Variants in DHX15 observed in about 807,000 individuals in gnomAD.
DHX15 encodes ATP-dependent RNA helicase DHX15.
A neutral mutation model predicts 94.4 loss-of-function variants in DHX15; 11 were observed. The ratio of observed to expected loss-of-function variants is 0.12; its 90% confidence interval spans 0.07 to 0.19. The LOEUF (loss-of-function observed/expected upper bound fraction) is 0.19, where lower values mean the gene tolerates loss of function less well. Ranked by LOEUF, DHX15 falls within the 10% of genes least tolerant of loss-of-function variation. The pLI, the probability that DHX15 is intolerant of heterozygous loss-of-function variation, is 1.00. For missense variants in DHX15, 304 were observed against 988.5 expected (o/e 0.31, Z 9.29); for synonymous variants, 338 against 329.9 (o/e 1.02, Z -0.27).
At chr4:24,552,437 T>C (rs1721628665) in intron 5 of DHX15, among the ~76,000 whole-genome samples, 1 of 152,210 alleles carries the variant, frequency 6.6e-6, no homozygotes, top group South Asian at 2.1e-4. Flanking sequence ...AACTGTTCTC[T>C]CTCCCTCCCA....
intron 6 of DHX15, among the ~76,000 whole-genome samples, chr4:24,545,913 G>A (rs1004673442): frequency 1.3e-4 from 20 of 152,228 alleles, no homozygotes; most frequent in Middle Eastern, 3.4e-3. Context: ...CAGACCCTAT[G>A]GTGAAAAGCT....
intron 3 of DHX15, among the ~76,000 whole-genome samples, chr4:24,569,008 G>A (rs1722058604): frequency 6.6e-6 from 1 of 152,102 alleles, no homozygotes; most frequent in South Asian, 2.1e-4. Flanking sequence ...ATATCACGCT[G>A]AATAAAAAGT....
intron 3 of DHX15, among the ~76,000 whole-genome samples, chr4:24,557,664 G>A (rs1721766249): frequency 1.3e-5 from 2 of 152,118 alleles, no homozygotes; most frequent in Middle Eastern, 3.4e-3. Flanking sequence ...TTCCTGGGAG[G>A]GACAAACAGC....
chr4:24,554,722 T>C lies in DHX15; in HGVS notation c.1080+3A>G, dbSNP rs1721691984. ...TAAATAATGAAGAAAATTAAAACAA[T>C]ACCTCTTGACCAGTTAAGAAAAGAA... On this transcript the variant is annotated splice_donor_region_variant and intron_variant, in intron 5 of 13. Coordinates refer to ENST00000336812, the MANE Select transcript of DHX15 (RefSeq NM_001358.3). The C allele has an allele frequency of 6.2e-7, 1 of 1,608,016 alleles. No homozygotes were observed. Among genetic ancestry groups the C allele is most frequent in the African/African-American group, 1.3e-5 (1 of 74,718 alleles).
intron 5 of DHX15, 55 bp downstream of exon 5, chr4:24,554,670 G>C: frequency 7.6e-7 from 1 of 1,309,382 alleles, no homozygotes; most frequent in Non-Finnish European, 1.1e-6. Flanking sequence ...TAAGGTTGCT[G>C]CATATTAGAA....
At chr4:24,583,983 G>C (rs1279010066) in intron 1 of DHX15, among the ~76,000 whole-genome samples, 1 of 152,112 alleles carries the variant, frequency 6.6e-6, no homozygotes, top group Non-Finnish European at 1.5e-5. Flanking sequence ...GGCCTTCCTC[G>C]GGAACCGAGG....
Position 24,576,622 on chromosome 4 carries a change from T to A in DHX15, c.128A>T (p.Glu43Val). 2.5e-6 allele frequency: 4 copies of A among 1,614,068 alleles called. No homozygotes were observed. The highest frequency in any genetic ancestry group is 3.4e-6 in the Non-Finnish European group (4 of 1,179,922). The stretch of plus-strand genomic sequence containing the variant: ...TCGCTCTCTATCTCCTCTATCACGT[T>A]CTCGGTCTCGATCTTTAGACCGATC... ...REDRSKDRDR[E>V]RDRGDRERER... The change falls in exon 2 of 14, where the codon GAA (glutamate) becomes GTA (valine). Residue 43 changes from glutamate to valine, a missense_variant. Glu to Val is a moderately radical substitution (Grantham distance 121, BLOSUM62 -2). Transcript: ENST00000336812.
chr4:24,547,903 G>GCA (rs1721469107), intron 6 of DHX15, among the ~76,000 whole-genome samples: 20 of 70,752 alleles, frequency 2.8e-4, no homozygotes, highest in African/African-American at 1.2e-3. Context: ...GTATGTATGT[G>GCA]TATATATATA....
At chr4:24,556,965 A>G (rs999669575) in intron 3 of DHX15, among the ~76,000 whole-genome samples, 1 of 152,190 alleles carries the variant, frequency 6.6e-6, no homozygotes, top group Non-Finnish European at 1.5e-5. Flanking sequence ...AAGGAATTCA[A>G]TAATAAAAGA....
At chr4:24,530,692 A>G (rs1325945348) in intron 12 of DHX15, 1 of 152,064 alleles carries the variant, frequency 6.6e-6, no homozygotes, top group African/African-American at 2.4e-5. Context: ...GAAAAAAAAA[A>G]GAGCTTGCAC....
At chr4:24,561,568 AG>A (rs1721872822) in intron 3 of DHX15, among the ~76,000 whole-genome samples, 1 of 152,224 alleles carries the variant, frequency 6.6e-6, no homozygotes, top group African/African-American at 2.4e-5. Context: ...CATTAAAAGT[AG>A]AATTCATTTT....
At chr4:24,531,201 G>A (rs923672203) in intron 12 of DHX15, among the ~76,000 whole-genome samples, 10 of 151,676 alleles carry the variant, frequency 6.6e-5, no homozygotes, top group African/African-American at 2.2e-4. Context: ...CCGTTCTCCT[G>A]CCTCAGCCTC....
chr4:24,583,946 C>T (rs1203444602), intron 1 of DHX15, among the ~76,000 whole-genome samples: 1 of 152,204 alleles, frequency 6.6e-6, no homozygotes, highest in African/African-American at 2.4e-5. Context: ...CCCACCGCGC[C>T]CTCCCCCACC....
intron 9 of DHX15, 73 bp from the exon 10 acceptor site, chr4:24,540,372 T>A (rs1345853435): frequency 7.9e-7 from 1 of 1,260,824 alleles, no homozygotes; most frequent in Non-Finnish European, 1.1e-6. Flanking sequence ...CAAACTATTA[T>A]AAGCAATCTC....
At chr4:24,575,234 A>G (rs1319700327) in intron 2 of DHX15, among the ~76,000 whole-genome samples, 1 of 152,190 alleles carries the variant, frequency 6.6e-6, no homozygotes, top group African/African-American at 2.4e-5. Flanking sequence ...TTTGGTTGCT[A>G]CAGTACCTTC....
chr4:24,532,874 T>C lies in DHX15; in HGVS notation c.2090A>G (p.Tyr697Cys), dbSNP rs1342070899. 6.2e-7 allele frequency: 1 copy of C among 1,604,668 alleles called. No homozygotes were observed. The highest frequency in any genetic ancestry group is 8.5e-7 in the Non-Finnish European group (1 of 1,175,178). Residue 697 changes from tyrosine to cysteine, a missense_variant, in exon 12 of 14, where the codon TAT becomes TGT. Physicochemically the swap from Tyr to Cys is radical, Grantham distance 194. Around this residue, in one of 9 missense-constraint regions of DHX15, gnomAD observed 44 missense variants for 236.7 expected, o/e 0.19. Transcript: ENST00000336812. ...ATATTATCTACATACCTGCATAAAA[T>C]ACCCAGTAACCAAAGCTTTTCTTAT... ...INIRKALVTG[Y>C]FMQVAHLERT...
chr4:24,556,527 A>AACAAATGTGCT, intron 3 of DHX15, 117 bp from the exon 4 acceptor site: 1 of 810,102 alleles, frequency 1.2e-6, no homozygotes, highest in South Asian at 2.3e-5. Flanking sequence ...TTCTGCCCCA[A>AACAAATGTGCT]ACAAATGTGC....
At chr4:24,568,894 T>C (rs1276672466) in intron 3 of DHX15, among the ~76,000 whole-genome samples, 3 of 152,192 alleles carry the variant, frequency 2.0e-5, no homozygotes, top group Non-Finnish European at 4.4e-5. Flanking sequence ...ACTGAACAAC[T>C]ACAAGAATTT....
chr4:24,539,676 A>C (rs1721267011), intron 10 of DHX15: 1 of 152,526 alleles, frequency 6.6e-6, no homozygotes, highest in South Asian at 2.1e-4. Flanking sequence ...ATTGGAGTAC[A>C]TATATAGAAA....
Sources: allele counts gnomAD v4.1 joint callset (sites outside exome capture counted in the v4.1 genomes callset), GRCh38; gene constraint gnomAD v4.1.1; regional missense constraint gnomAD v4.1.1; transcripts MANE v1.5; gene names NCBI Gene and HGNC (gene_info 2026-07-23, HGNC 2026-07-21).